Variants in ACBD6 observed in about 807,000 individuals in gnomAD.
The protein encoded by ACBD6 is acyl-CoA-binding domain-containing protein 6.
Under a neutral mutation model 37.2 loss-of-function variants are expected in ACBD6, and 28 were observed. That is an observed-to-expected ratio of 0.75 (90% CI 0.56 to 1.03). The LOEUF (loss-of-function observed/expected upper bound fraction) is 1.03, where lower values mean the gene tolerates loss of function less well. ACBD6 is among the 50% of genes least tolerant of loss of function. ACBD6 has a pLI of 0.00. For missense variants in ACBD6, 340 were observed against 337.4 expected (o/e 1.01, Z -0.06); for synonymous variants, 113 against 126.8 (o/e 0.89, Z 0.73).
intron 3 of ACBD6, among the ~76,000 whole-genome samples, chr1:180,470,640 C>T (rs1259386472): frequency 2.0e-5 from 3 of 152,190 alleles, no homozygotes; most frequent in Non-Finnish European, 4.4e-5. Flanking sequence ...TCTCAAGCCT[C>T]CCATGATTCT....
At chr1:180,435,872 G>A (rs2102005400) in intron 3 of ACBD6, 1 of 1,373,326 alleles carries the variant, frequency 7.3e-7, no homozygotes, top group Non-Finnish European at 1.0e-6. Flanking sequence ...GACACTGTCA[G>A]CTCTTCTGGA....
At chr1:180,271,381 T>C in exon 14 of ACBD6, 1 of 1,614,148 alleles carries the variant, frequency 6.2e-7, no homozygotes, top group Non-Finnish European at 8.5e-7. Context: ...TCCTTGCAGA[T>C]GACTCAGAGG....
At chr1:180,317,449 G>A (rs1367012453) in intron 6 of ACBD6, among the ~76,000 whole-genome samples, 1 of 152,136 alleles carries the variant, frequency 6.6e-6, no homozygotes, top group African/African-American at 2.4e-5. Flanking sequence ...ACAATAATGT[G>A]AATGTACTTA....
At chr1:180,333,745 C>T (rs1445543477) in intron 6 of ACBD6, among the ~76,000 whole-genome samples, 1 of 152,210 alleles carries the variant, frequency 6.6e-6, no homozygotes, top group African/African-American at 2.4e-5. Flanking sequence ...CGCAAGGGGT[C>T]AGGGAATTCC....
In ACBD6 at chr1:180,271,705, C is replaced by T. The variant is rs1218932632; in HGVS notation, c.*1520G>A. On this transcript the variant is annotated 3_prime_UTR_variant, in exon 14 of 14. Coordinates refer to the ACBD6 transcript ENST00000642319. Reference sequence around the variant, plus strand: ...GCCCACCTGGGGAGAGGGGGTGGGGCGCATCGCACTCCCAGACCTGTGCTC... The same window carrying T: ...GCCCACCTGGGGAGAGGGGGTGGGGTGCATCGCACTCCCAGACCTGTGCTC... The T allele has an allele frequency of 1.0e-5, 13 of 1,268,658 alleles. No individual in the cohort carries two copies. In the Middle Eastern group the frequency reaches 7.6e-4, roughly 74 times the overall value. The allele number at this position is 1,268,658 out of a possible 1,614,324, so 78.6% of individuals were successfully genotyped here.
rs768158394 is a variant in ACBD6, at chr1:180,502,142, A to T, written c.125T>A (p.Leu42Gln). The change falls in exon 1 of 8, where the codon CTG (leucine) becomes CAG (glutamine). Residue 42 changes from leucine (L) to glutamine (Q), a missense_variant. By Grantham distance (113) the Leu-to-Gln change is moderately radical (BLOSUM62 -2). Transcript: ENST00000367595. The stretch of plus-strand genomic sequence containing the variant: ...GGCAGCCTTCTCAAACAGCTCGGCC[A>T]GGCAACTGGTCTCCTCGATCTCAGG... Reference protein sequence around the residue: ...HSPEIEETSCLAELFEKAAAH... With the variant: ...HSPEIEETSCQAELFEKAAAH... 2 of 1,614,050 alleles carry T rather than the reference A, an allele frequency of 1.2e-6. No homozygotes were observed. The highest frequency in any genetic ancestry group is 2.2e-5 in the South Asian group (2 of 91,070).
At chr1:180,397,904 T>C (rs1440588419) in intron 5 of ACBD6, among the ~76,000 whole-genome samples, 1 of 151,896 alleles carries the variant, frequency 6.6e-6, no homozygotes, top group Non-Finnish European at 1.5e-5. Flanking sequence ...AATACAAAAA[T>C]TAGCTGGGCA....
intron 6 of ACBD6, among the ~76,000 whole-genome samples, chr1:180,389,817 T>C (rs1431651431): frequency 1.3e-5 from 2 of 152,242 alleles, no homozygotes; most frequent in African/African-American, 4.8e-5. Context: ...GAAGTGTCTG[T>C]TCATGTCCTT....
chr1:180,493,239 TTC>T (rs1306937347), intron 2 of ACBD6, among the ~76,000 whole-genome samples: 1 of 58,038 alleles, frequency 1.7e-5, no homozygotes, highest in African/African-American at 6.1e-5. Context: ...CAGAGCAAAA[TTC>T]TGTCTCAAAA....
intron 3 of ACBD6, chr1:180,434,830 G>A: frequency 1.4e-6 from 1 of 733,510 alleles, no homozygotes; most frequent in Non-Finnish European, 2.6e-6. Context: ...TGCCAATCTT[G>A]GCAAATCTGC....
At chr1:180,483,416 TAATA>T (rs1651132888) in intron 3 of ACBD6, among the ~76,000 whole-genome samples, 1 of 152,150 alleles carries the variant, frequency 6.6e-6, no homozygotes, top group South Asian at 2.1e-4. Context: ...AATACATTAT[TAATA>T]TTTACTATAA....
In ACBD6 at chr1:180,327,074, G is replaced by A. The variant is rs370961790; in HGVS notation, c.664-12352C>T. ...CTGGTCCACTGTCTCTAAGCCCACC[G>A]CAGCACTAGGACTTGCCTAGGAATT... is the stretch of plus-strand genomic sequence containing the variant. On this transcript the variant is annotated intron_variant, in intron 6 of 7. Coordinates refer to ENST00000367595, the MANE Select transcript of ACBD6 (RefSeq NM_032360.4). Among the ~76,000 whole-genome samples, 6 of 152,232 alleles carry A rather than the reference G, an allele frequency of 3.9e-5. No individual in the cohort carries two copies. The South Asian group carries it at 6.2e-4, about 16-fold the overall frequency.
chr1:180,443,495 G>A (rs928384728), intron 3 of ACBD6, among the ~76,000 whole-genome samples: 3 of 152,240 alleles, frequency 2.0e-5, no homozygotes, highest in South Asian at 2.1e-4. Context: ...ATTCAGCCCC[G>A]CAAATTCTAG....
At chr1:180,378,844 C>T (rs1653538940) in intron 6 of ACBD6, among the ~76,000 whole-genome samples, 1 of 152,160 alleles carries the variant, frequency 6.6e-6, no homozygotes, top group Non-Finnish European at 1.5e-5. Context: ...GCCACCACCA[C>T]CACCAGTGGG....
intron 6 of ACBD6, among the ~76,000 whole-genome samples, chr1:180,349,589 T>TTTTTTTAGTATAATAAAA (rs1652330099): frequency 2.0e-4 from 1 of 4,892 alleles, no homozygotes; most frequent in African/African-American, 2.0e-3. Flanking sequence ...ATAAATAAAA[T>TTTTTTTAGTATAATAAAA]TTTTTTTAGT....
chr1:180,496,936 T>C (rs148067629), intron 1 of ACBD6, among the ~76,000 whole-genome samples: 144 of 152,260 alleles, frequency 9.5e-4, no homozygotes, highest in Non-Finnish European at 1.5e-3. Flanking sequence ...TCAGGAGGGT[T>C]GTCTCAGTTC....
chr1:180,279,455 CCTGG>C (rs1476463840), intron 9 of ACBD6, among the ~76,000 whole-genome samples: 2 of 152,062 alleles, frequency 1.3e-5, no homozygotes, highest in African/African-American at 4.8e-5. Context: ...CGCAAACACG[CCTGG>C]CTAATTTTTT....
chr1:180,322,858 T>C (rs1651126165), intron 6 of ACBD6, among the ~76,000 whole-genome samples: 1 of 151,686 alleles, frequency 6.6e-6, no homozygotes, highest in Admixed American at 6.6e-5. Context: ...TATTTATTTC[T>C]GCTCTGATTT....
At chr1:180,313,327 C>G (rs1650665770) in intron 7 of ACBD6, among the ~76,000 whole-genome samples, 1 of 152,134 alleles carries the variant, frequency 6.6e-6, no homozygotes, top group South Asian at 2.1e-4. Flanking sequence ...ATTTCAACCT[C>G]AATTATTAGG....
Sources: allele counts gnomAD v4.1 joint callset (sites outside exome capture counted in the v4.1 genomes callset), GRCh38; gene constraint gnomAD v4.1.1; transcripts MANE v1.5; gene names NCBI Gene and HGNC (gene_info 2026-07-23, HGNC 2026-07-21).